TERB1: variants seen among roughly 807,000 people sequenced by gnomAD.
The protein encoded by TERB1 is telomere repeat binding bouquet formation protein 1.
Under a neutral mutation model 92.3 loss-of-function variants are expected in TERB1, and 63 were observed. The ratio of observed to expected loss-of-function variants is 0.68; its 90% CI spans 0.56 to 0.84. The LOEUF (loss-of-function observed/expected upper bound fraction) is 0.84, where lower values mean the gene tolerates loss of function less well. Ranked by LOEUF, TERB1 falls within the 40% of genes least tolerant of loss-of-function variation. The pLI is 0.00. For synonymous variants in TERB1, 252 were observed against 283.9 expected, an observed-to-expected ratio of 0.89 and a Z score of 1.13; for missense variants, 709 against 843.7, an observed-to-expected ratio of 0.84 and a Z score of 1.98.
rs1182336404 is a variant in TERB1, at chr16:66,794,916, A to AC, written c.31+1851_31+1852insG. On this transcript the variant is annotated intron_variant, in intron 3 of 18. Coordinates refer to ENST00000433154, the MANE Select transcript of TERB1 (RefSeq NM_001136505.2). ...CAGAGTGAGACTCCGTCTCAAAAAA[A>AC]AAAAAAACACACACACACACACACA... Among the ~76,000 whole-genome samples the AC allele has an allele frequency of 7.4e-3, 675 of 91,050 alleles. 1 individual carries two copies. The highest frequency in any genetic ancestry group is 0.034 in the Middle Eastern group (5 of 148). 59.7% of individuals were successfully genotyped at this position (91,050 alleles called of 152,430 possible).
At chr16:66,797,377 A>T (rs965031446) in intron 2 of TERB1, among the ~76,000 whole-genome samples, 1 of 151,802 alleles carries the variant, frequency 6.6e-6, no homozygotes, top group African/African-American at 2.4e-5. Context: ...CTGAAACTAC[A>T]GGCACATGCC....
chr16:66,758,913 T>C, intron 17 of TERB1, 75 bp from the exon 18 acceptor site: 1 of 1,067,984 alleles, frequency 9.4e-7, no homozygotes, highest in East Asian at 2.6e-5. Context: ...CATTAGTATA[T>C]TTCCTTTATT....
At chr16:66,786,875 C>T (rs1640208356) in intron 6 of TERB1, among the ~76,000 whole-genome samples, 1 of 152,176 alleles carries the variant, frequency 6.6e-6, no homozygotes, top group South Asian at 2.1e-4. Context: ...GGCTGCCCTA[C>T]CCCCACCCAA....
In TERB1 at chr16:66,796,782, G is replaced by T; in HGVS notation, c.17C>A (p.Thr6Lys). Reference sequence around the variant, plus strand: ...CAATTTCTCACCTTGTGTTTTCTTTGTGTCTTCACTTTCCATGCTTGTCTA... The same window carrying T: ...CAATTTCTCACCTTGTGTTTTCTTTTTGTCTTCACTTTCCATGCTTGTCTA... MESED[T>K]KKTQEMKTDL... is the part of the protein sequence containing the mutation. The change falls in exon 3 of 19, where the codon ACA becomes AAA. Residue 6 changes from threonine (T) to lysine (K), a missense_variant. Physicochemically the swap from Thr to Lys is moderately conservative, Grantham distance 78. Coordinates refer to ENST00000433154, the MANE Select transcript of TERB1 (RefSeq NM_001136505.2). The T allele has an allele frequency of 6.5e-7, 1 of 1,537,848 alleles. No homozygotes were observed. Among genetic ancestry groups the T allele is most frequent in the Non-Finnish European group, 8.8e-7 (1 of 1,135,108 alleles).
chr16:66,777,387 G>A, intron 10 of TERB1, 53 bp from the exon 11 acceptor site: 1 of 1,134,350 alleles, frequency 8.8e-7, no homozygotes, highest in Non-Finnish European at 1.2e-6. Context: ...ACTTATAAAT[G>A]TATATATACT....
chr16:66,761,323 G>A (rs1428365373), intron 16 of TERB1, among the ~76,000 whole-genome samples: 1 of 150,990 alleles, frequency 6.6e-6, no homozygotes, highest in Non-Finnish European at 1.5e-5. Flanking sequence ...ATGACGGCAG[G>A]TGCCTGTAAT....
At chr16:66,769,194 G>A (rs363184) in intron 14 of TERB1, among the ~76,000 whole-genome samples, 28,463 of 152,058 alleles carry the variant, frequency 0.19, 5,375 homozygotes, top group African/African-American at 0.49. Context: ...AGCTTGGGAT[G>A]GAGGTCAAGA....
Position 66,777,136 on chromosome 16 carries a change from A to C in TERB1, c.985+67T>G, listed in dbSNP as rs1415775683. 7.5e-5 allele frequency: 107 copies of C among 1,422,540 alleles called. 1 individual carries two copies. The highest frequency in any genetic ancestry group is 8.0e-5 in the Non-Finnish European group (86 of 1,072,748). The allele number at this position is 1,422,540 out of a possible 1,614,324, so 88.1% of individuals were successfully genotyped here. On this transcript the variant is annotated intron_variant, in intron 11 of 18. Transcript: ENST00000433154. ...AAGACCTTCACATAACTGGAAGAAAAAAAAAAACAGAAGTATATTTCCGCT... is the reference window on the plus strand; with the variant it reads ...AAGACCTTCACATAACTGGAAGAAACAAAAAAACAGAAGTATATTTCCGCT...
intron 16 of TERB1, 141 bp from the exon 17 acceptor site, chr16:66,759,431 G>A (rs1237557287): frequency 3.1e-6 from 2 of 635,530 alleles, no homozygotes; most frequent in South Asian, 2.3e-5. Flanking sequence ...ATCATATGAG[G>A]GAGTAAAGAC....
At chr16:66,794,504 G>A (rs2018893241) in intron 3 of TERB1, among the ~76,000 whole-genome samples, 1 of 152,076 alleles carries the variant, frequency 6.6e-6, no homozygotes, top group African/African-American at 2.4e-5. Flanking sequence ...AGCATCTCCT[G>A]ACATAACAAC....
In TERB1 at chr16:66,782,600, C is replaced by G. The variant is rs556891959; in HGVS notation, c.700+3186G>C. Among the ~76,000 whole-genome samples, 25 of 151,176 alleles carry G rather than the reference C, an allele frequency of 1.7e-4. 1 individual carries two copies. In the South Asian group the frequency reaches 3.4e-3, roughly 20 times the overall value. On this transcript the variant is annotated intron_variant, in intron 9 of 18. Coordinates refer to ENST00000433154, the MANE Select transcript of TERB1 (RefSeq NM_001136505.2). ...TAAGTCTATACCTACACCAAAGCCACGCTTTCTTGATTTCTGTATAAGTAT... is the reference window on the plus strand; with the variant it reads ...TAAGTCTATACCTACACCAAAGCCAGGCTTTCTTGATTTCTGTATAAGTAT...
chr16:66,789,017 C>CA (rs57876042), intron 5 of TERB1, among the ~76,000 whole-genome samples: 21,637 of 68,518 alleles, frequency 0.32, 3,367 homozygotes, highest in African/African-American at 0.52. Flanking sequence ...GGTATGGTAC[C>CA]AAAAAAAAAA....
intron 9 of TERB1, among the ~76,000 whole-genome samples, chr16:66,782,691 C>G (rs1297120429): frequency 6.6e-6 from 1 of 152,118 alleles, no homozygotes; most frequent in Non-Finnish European, 1.5e-5. Context: ...TTATCCTAGC[C>G]CCTTTGCATT....
At chr16:66,780,159 G>A (rs529155890) in intron 9 of TERB1, among the ~76,000 whole-genome samples, 2 of 152,168 alleles carry the variant, frequency 1.3e-5, no homozygotes, top group Non-Finnish European at 2.9e-5. Flanking sequence ...GAGCCATGGC[G>A]CCCAGCCCAG....
At chr16:66,762,061 A>G (rs182565478) in intron 16 of TERB1, among the ~76,000 whole-genome samples, 1 of 152,376 alleles carries the variant, frequency 6.6e-6, no homozygotes, top group Non-Finnish European at 1.5e-5. Flanking sequence ...CAAAAAAAAG[A>G]AAAAGGAATA....
chr16:66,774,186 G>GTTTT (rs34258271), intron 12 of TERB1, among the ~76,000 whole-genome samples: 1 of 90,666 alleles, frequency 1.1e-5, no homozygotes, highest in African/African-American at 4.2e-5. Context: ...CAGCCCAAAC[G>GTTTT]TTTTTTTTTT....
chr16:66,767,456 G>C lies in TERB1; in HGVS notation c.1739C>G (p.Ala580Gly). 1 of 1,527,302 alleles carries C rather than the reference G, an allele frequency of 6.5e-7. No homozygotes were observed. Among genetic ancestry groups the C allele is most frequent in the Non-Finnish European group, 8.8e-7 (1 of 1,137,948 alleles). 94.6% of individuals were successfully genotyped at this position (1,527,302 alleles called of 1,614,324 possible). ...IINKEVVSFL[A>G]TPSCSEMLTY... is the part of the protein sequence containing the mutation. ...CAACATTTCGGAACAACTGGGAGTT[G>C]CTAGAAAACTGACTACTTCTTTATT... Residue 580 changes from alanine to glycine, a missense_variant, in exon 16 of 19, where the codon GCA becomes GGA. Ala to Gly is a moderately conservative substitution (Grantham distance 60, BLOSUM62 0). Coordinates refer to ENST00000433154, the MANE Select transcript of TERB1 (RefSeq NM_001136505.2).
At chr16:66,769,849 C>T (rs1567468882) in intron 14 of TERB1, 114 bp downstream of exon 14, 1 of 789,412 alleles carries the variant, frequency 1.3e-6, no homozygotes, top group East Asian at 2.7e-5. Context: ...CTTCCCAAGA[C>T]CATGTTTCAT....
intron 2 of TERB1, among the ~76,000 whole-genome samples, chr16:66,797,340 A>C (rs1959202448): frequency 6.6e-6 from 1 of 150,400 alleles, no homozygotes. Flanking sequence ...GGATAAGGTG[A>C]TCCTCCCACC....
Sources: allele counts gnomAD v4.1 joint callset (sites outside exome capture counted in the v4.1 genomes callset), GRCh38; gene constraint gnomAD v4.1.1; transcripts MANE v1.5; gene names NCBI Gene and HGNC (gene_info 2026-07-23, HGNC 2026-07-21).